Variants in ANKRD36C observed in about 807,000 individuals in gnomAD.
The protein encoded by ANKRD36C is ankyrin repeat domain 36C.
Under a neutral mutation model 276.4 loss-of-function variants are expected in ANKRD36C, and 61 were observed. The ratio of observed to expected loss-of-function variants is 0.22; its 90% CI spans 0.18 to 0.27. The LOEUF (loss-of-function observed/expected upper bound fraction) is 0.27. ANKRD36C is among the 10% of genes least tolerant of loss of function. ANKRD36C has a pLI of 1.00. For synonymous variants in ANKRD36C, 483 were observed against 680.1 expected (o/e 0.71, Z 4.51); for missense variants, 1,447 against 2,032.3 (o/e 0.71, Z 5.54).
chr2:95,851,263 G>A (rs1404202132), intron 66 of ANKRD36C, 68 bp from the exon 87 acceptor site: 4 of 1,052,314 alleles, frequency 3.8e-6, no homozygotes, highest in Admixed American at 2.0e-5. Flanking sequence ...TAAACCCACT[G>A]TAAGTCAAGG....
intron 42 of ANKRD36C, among the ~76,000 whole-genome samples, chr2:95,903,334 C>A (rs1246480224): frequency 1.3e-5 from 2 of 150,336 alleles, no homozygotes; most frequent in Non-Finnish European, 3.0e-5. Flanking sequence ...AAAATAAAAC[C>A]ATGTCAATAT....
intron 38 of ANKRD36C, 150 bp downstream of exon 40, chr2:95,915,830 C>G (rs1677076183): frequency 8.7e-7 from 1 of 1,150,192 alleles, no homozygotes; most frequent in Non-Finnish European, 1.2e-6. Context: ...CCAGCAGCAA[C>G]AGCGTAACCC....
exon 58 of ANKRD36C, chr2:95,880,478 A>T: frequency 6.4e-7 from 1 of 1,553,322 alleles, no homozygotes; most frequent in Non-Finnish European, 8.7e-7. Context: ...TTCAGAACAG[A>T]ATTTTTATTT....
intron 34 of ANKRD36C, 37 bp downstream of exon 34, chr2:95,921,570 G>T (rs748918419): frequency 2.8e-5 from 44 of 1,585,458 alleles, no homozygotes; most frequent in Non-Finnish European, 3.5e-5. Context: ...TTTCTATCTG[G>T]ATTGAACATG....
chr2:95,949,470 A>G (rs563095077), intron 16 of ANKRD36C, among the ~76,000 whole-genome samples: 44 of 152,066 alleles, frequency 2.9e-4, no homozygotes, highest in African/African-American at 8.0e-4. Flanking sequence ...TTCAGCAGGG[A>G]TCCATGGCAA....
chr2:95,914,461 A>G (rs184313647), intron 38 of ANKRD36C, among the ~76,000 whole-genome samples, 158 bp from the exon 41 acceptor site: 52 of 151,476 alleles, frequency 3.4e-4, no homozygotes, highest in African/African-American at 1.1e-3. Context: ...CATGATAGAA[A>G]TACGCTGAGA....
chr2:95,889,962 T>A lies in ANKRD36C; in HGVS notation c.2886+4A>T, dbSNP rs775516038. 22 of 1,609,888 alleles carry A rather than the reference T, an allele frequency of 1.4e-5. No homozygotes were observed. In the African/African-American group the frequency reaches 2.7e-4, roughly 20 times the overall value. On this transcript the variant is annotated splice_donor_region_variant and intron_variant, in intron 47 of 66. Transcript: ENST00000456556. ...GTTCAAAATATAAATGAGAGTTTAATTACCTTCAAGGCTGGTTGTTTATGA... is the reference window on the plus strand; with the variant it reads ...GTTCAAAATATAAATGAGAGTTTAAATACCTTCAAGGCTGGTTGTTTATGA...
intron 6 of ANKRD36C, among the ~76,000 whole-genome samples, chr2:95,966,454 G>A (rs1205562134): frequency 1.3e-5 from 2 of 152,234 alleles, no homozygotes; most frequent in East Asian, 3.9e-4. Context: ...TGTCAGGTTT[G>A]TCAAAGATCA....
exon 61 of ANKRD36C, chr2:95,859,926 T>A: frequency 6.4e-7 from 1 of 1,550,574 alleles, no homozygotes; most frequent in Non-Finnish European, 8.7e-7. Flanking sequence ...TTATTTCTTC[T>A]TTTTCAGATA....
At chr2:95,889,222 A>G (rs1459456762) in intron 48 of ANKRD36C, among the ~76,000 whole-genome samples, 1 of 151,448 alleles carries the variant, frequency 6.6e-6, no homozygotes, top group African/African-American at 2.4e-5. Context: ...CCAAAATCAA[A>G]TCTTCTTTTA....
chr2:95,893,605 C>T, intron 44 of ANKRD36C: 1 of 1,584,318 alleles, frequency 6.3e-7, no homozygotes, highest in Non-Finnish European at 8.6e-7. Context: ...TCACCTGTAG[C>T]CTGAATGGAA....
rs535657544 is a variant in ANKRD36C at position 95,981,806 on chromosome 2, T to C, written c.593+450A>G. On this transcript the variant is annotated intron_variant, in intron 4 of 66. Coordinates refer to ENST00000456556, the Ensembl canonical transcript of ANKRD36C. ...TTGTCTTCATTAAAGTAAAGTTTTA[T>C]CCATTTAAAGCTATCTTTTCTCCCC... Among the ~76,000 whole-genome samples, 10 of 152,178 alleles carry C rather than the reference T, an allele frequency of 6.6e-5. No homozygotes were observed. In the East Asian group the frequency reaches 1.9e-3, roughly 29 times the overall value.
At chr2:95,937,350 T>C (rs1252028095) in intron 22 of ANKRD36C, among the ~76,000 whole-genome samples, 1 of 152,304 alleles carries the variant, frequency 6.6e-6, no homozygotes, top group Non-Finnish European at 1.5e-5. Context: ...GTGACAACAC[T>C]GCTTGCTGGT....
intron 5 of ANKRD36C, among the ~76,000 whole-genome samples, chr2:95,979,209 A>G (rs977545612): frequency 9.9e-5 from 15 of 152,090 alleles, no homozygotes; most frequent in African/African-American, 2.7e-4. Flanking sequence ...ATTCTAATAT[A>G]AGGCCACCCA....
At chr2:95,958,492 A>G in intron 12 of ANKRD36C, 99 bp downstream of exon 12, 1 of 1,435,726 alleles carries the variant, frequency 7.0e-7, no homozygotes, top group Non-Finnish European at 9.4e-7. Context: ...CTGAATCAGA[A>G]TGCGCAGCTT....
At chr2:95,956,837 T>A in intron 12 of ANKRD36C, 21 bp from the exon 13 acceptor site, 2 of 1,530,314 alleles carry the variant, frequency 1.3e-6, no homozygotes, top group African/African-American at 1.4e-5. Context: ...AAAAGTAAAA[T>A]GCATTTTAAA....
chr2:95,967,283 TTAAA>T (rs1361725678), intron 6 of ANKRD36C, among the ~76,000 whole-genome samples: 1 of 152,136 alleles, frequency 6.6e-6, no homozygotes, highest in Non-Finnish European at 1.5e-5. Flanking sequence ...TACAAGGAAC[TTAAA>T]TAAATTTACA....
At chr2:95,986,083 A>G (rs1352773763) in intron 3 of ANKRD36C, among the ~76,000 whole-genome samples, 1 of 152,098 alleles carries the variant, frequency 6.6e-6, no homozygotes, top group Non-Finnish European at 1.5e-5. Context: ...ACAACTCACA[A>G]ACTCTTTCCC....
At chr2:95,865,063 A>G (rs1339656893) in intron 60 of ANKRD36C, among the ~76,000 whole-genome samples, 1 of 152,068 alleles carries the variant, frequency 6.6e-6, no homozygotes, top group Non-Finnish European at 1.5e-5. Flanking sequence ...GCAATGCTCA[A>G]CCTGTATAAA....
Sources: allele counts gnomAD v4.1 joint callset (sites outside exome capture counted in the v4.1 genomes callset), GRCh38; gene constraint gnomAD v4.1.1; transcripts MANE v1.5; gene names NCBI Gene and HGNC (gene_info 2026-07-23, HGNC 2026-07-21).